Variants in RCBTB2 observed in about 807,000 individuals in gnomAD.
RCBTB2 encodes RCC1 and BTB domain-containing protein 2.
RCBTB2 carries 55 observed loss-of-function variants against 65.4 expected under a neutral mutation model. That is an observed-to-expected ratio of 0.84 (90% CI 0.68 to 1.05). The LOEUF is 1.05. Among genes scored for constraint, RCBTB2 ranks in the 50% least tolerant of loss-of-function variants. The pLI is 0.00. For synonymous variants in RCBTB2, 220 were observed against 255.2 expected, an observed-to-expected ratio of 0.86 and a Z score of 1.31; for missense variants, 599 against 680.1, an observed-to-expected ratio of 0.88 and a Z score of 1.33.
chr13:48,492,250 G>A (rs1303147041), intron 14 of RCBTB2, among the ~76,000 whole-genome samples: 1 of 152,056 alleles, frequency 6.6e-6, no homozygotes, highest in Non-Finnish European at 1.5e-5. Context: ...ATCTTCTCTG[G>A]ATCAAAGGTC....
Position 48,496,318 on chromosome 13 carries a change from A to G in RCBTB2, c.1388T>C (p.Leu463Pro). 6.4e-7 allele frequency: 1 copy of G among 1,562,150 alleles called. No individual in the cohort carries two copies. The highest frequency in any genetic ancestry group is 8.7e-7 in the Non-Finnish European group (1 of 1,154,570). ...TCTATAAAATGTAGCCAAGTCTAGC[A>G]GTCCTGGCGGAAAGAGGTGTTTATT... The part of the protein sequence containing the change: ...ISLSPEEAVG[L>P]LDLATFYREN... The change falls in exon 14 of 15, where the codon CTG (leucine) becomes CCG (proline). Residue 463 changes from leucine (L) to proline (P), a missense_variant. Leu to Pro is a moderately conservative substitution (Grantham distance 98). Transcript: ENST00000344532.
At chr13:48,525,407 TA>T in intron 1 of RCBTB2, among the ~76,000 whole-genome samples, 1 of 135,208 alleles carries the variant, frequency 7.4e-6, no homozygotes, top group Non-Finnish European at 1.6e-5. Flanking sequence ...TATATATATA[TA>T]TATATATATA....
chr13:48,504,881 A>G (rs1950414788), intron 10 of RCBTB2, among the ~76,000 whole-genome samples: 1 of 152,130 alleles, frequency 6.6e-6, no homozygotes, highest in Non-Finnish European at 1.5e-5. Flanking sequence ...CTCGCCTCAG[A>G]GGCTGAGACA....
intron 10 of RCBTB2, among the ~76,000 whole-genome samples, chr13:48,509,450 C>A (rs1476248619): frequency 2.0e-5 from 3 of 152,132 alleles, no homozygotes; most frequent in African/African-American, 7.2e-5. Context: ...AACTGAGGCA[C>A]TTTTGTGGTT....
rs750884086 is a variant in RCBTB2, at chr13:48,512,788, G to C, written c.457C>G (p.Gln153Glu). The stretch of plus-strand genomic sequence containing the variant: ...GACCCACAGGCAACTTCAATGACTT[G>C]TTTGTTTGACAGATTAGTAGAGATA... ...CHISTNLSNK[Q>E]VIEVACGSYH... is the part of the protein sequence containing the mutation. Residue 153 changes from glutamine (Q) to glutamate (E), a missense_variant, in exon 7 of 15, where the codon CAA (glutamine) becomes GAA (glutamate). Gln to Glu is a conservative substitution (Grantham distance 29). Transcript: ENST00000344532. 5.0e-6 allele frequency: 8 copies of C among 1,613,888 alleles called. No individual in the cohort carries two copies. In the East Asian group the frequency reaches 1.8e-4, roughly 36 times the overall value.
chr13:48,527,353 ATATATATT>A (rs1197246952), intron 1 of RCBTB2, among the ~76,000 whole-genome samples: 2 of 109,862 alleles, frequency 1.8e-5, no homozygotes, highest in Admixed American at 8.0e-5. Context: ...TATATATATG[ATATATATT>A]TATATATGAT....
intron 13 of RCBTB2, among the ~76,000 whole-genome samples, chr13:48,499,384 C>T (rs1004827026): frequency 7.9e-5 from 12 of 152,186 alleles, no homozygotes; most frequent in Non-Finnish European, 8.8e-5. Context: ...CTGTCCCTTC[C>T]TCCATGCTGC....
intron 1 of RCBTB2, among the ~76,000 whole-genome samples, chr13:48,527,371 T>TATATATATATGATATATATTTATATATG (rs1951857308): frequency 2.2e-5 from 3 of 138,734 alleles, no homozygotes; most frequent in African/African-American, 8.9e-5. Context: ...TTATATATGA[T>TATATATATATGATATATATTTATATATG]ATATATATAT....
Position 48,512,892 on chromosome 13 carries a change from C to A in RCBTB2, c.353G>T (p.Gly118Val), listed in dbSNP as rs1160049565. Residue 118 changes from glycine to valine, a missense_variant, in exon 7 of 15, where the codon GGA (glycine) becomes GTA (valine). By Grantham distance (109) the Gly-to-Val change is moderately radical. Coordinates refer to ENST00000344532, the MANE Select transcript of RCBTB2 (RefSeq NM_001268.4). ...GPHIVLATTE[G>V]EVFTWGHNAY... is the part of the protein sequence containing the mutation. ...ATTATGACCCCAGGTAAAGACTTCT[C>A]CTTCTGAAAATAAAAAGAAAGACAA... The A allele has an allele frequency of 6.2e-7, 1 of 1,601,644 alleles. No homozygotes were observed. The highest frequency in any genetic ancestry group is 1.3e-5 in the African/African-American group (1 of 74,532).
intron 1 of RCBTB2, among the ~76,000 whole-genome samples, chr13:48,528,658 T>G (rs946434784): frequency 6.6e-6 from 1 of 152,124 alleles, no homozygotes; most frequent in Non-Finnish European, 1.5e-5. Context: ...TTTTTAAGGG[T>G]CATCTTCAAG....
chr13:48,499,563 A>C (rs1024517665), intron 13 of RCBTB2, 58 bp downstream of exon 13: 1 of 1,575,158 alleles, frequency 6.3e-7, no homozygotes, highest in Non-Finnish European at 8.7e-7. Flanking sequence ...GTTCTATAGA[A>C]ACCACCTTGT....
chr13:48,519,171 T>A (rs1486610508), intron 4 of RCBTB2, among the ~76,000 whole-genome samples: 1 of 152,090 alleles, frequency 6.6e-6, no homozygotes, highest in African/African-American at 2.4e-5. Context: ...GATTGTTGAG[T>A]AAAAAGTTTA....
intron 1 of RCBTB2, among the ~76,000 whole-genome samples, chr13:48,531,104 A>T (rs922297788): frequency 1.3e-5 from 2 of 152,084 alleles, no homozygotes; most frequent in African/African-American, 4.8e-5. Context: ...TACTTTTCTA[A>T]CCTAATATAC....
At chr13:48,522,276 C>T in intron 3 of RCBTB2, 32 bp downstream of exon 3, 1 of 1,358,066 alleles carries the variant, frequency 7.4e-7, no homozygotes, top group Non-Finnish European at 1.0e-6. Context: ...TCAGAGTTGA[C>T]TTCCTGTGAT....
intron 4 of RCBTB2, among the ~76,000 whole-genome samples, chr13:48,521,598 T>C (rs563909206): frequency 1.3e-5 from 2 of 152,336 alleles, no homozygotes; most frequent in Non-Finnish European, 2.9e-5. Flanking sequence ...GATCAACTCA[T>C]AGCCTCTTGC....
At chr13:48,522,648 T>C (rs375273668) in intron 2 of RCBTB2, among the ~76,000 whole-genome samples, 6 of 152,338 alleles carry the variant, frequency 3.9e-5, no homozygotes, top group South Asian at 2.1e-4. Flanking sequence ...AATCATTATG[T>C]AGTTAACGAT....
chr13:48,496,361 G>A (rs1279530731), intron 13 of RCBTB2, 40 bp from the exon 14 acceptor site: 3 of 1,491,064 alleles, frequency 2.0e-6, no homozygotes, highest in Non-Finnish European at 2.7e-6. Flanking sequence ...GTGATTTCAA[G>A]CATCCTGATT....
At chr13:48,505,687 G>A (rs1027942909) in intron 10 of RCBTB2, among the ~76,000 whole-genome samples, 9 of 152,278 alleles carry the variant, frequency 5.9e-5, no homozygotes, top group Admixed American at 4.6e-4. Flanking sequence ...GGCAGGACAC[G>A]CGGATCAGAG....
chr13:48,527,334 TA>T (rs1951813738), intron 1 of RCBTB2, among the ~76,000 whole-genome samples: 1 of 130,222 alleles, frequency 7.7e-6, no homozygotes, highest in East Asian at 2.0e-4. Flanking sequence ...TATATATATA[TA>T]TGATATATAT....
Sources: allele counts gnomAD v4.1 joint callset (sites outside exome capture counted in the v4.1 genomes callset), GRCh38; gene constraint gnomAD v4.1.1; transcripts MANE v1.5; gene names NCBI Gene and HGNC (gene_info 2026-07-23, HGNC 2026-07-21).